The following MAF variants were observed in gnomAD, a reference collection of about 807,000 sequenced individuals.
The protein encoded by MAF is MAF bZIP transcription factor, also known as transcription factor Maf.
In MAF, 10 loss-of-function variants were observed where a neutral mutation model predicts 22.0. That is an observed-to-expected ratio of 0.45 (90% CI 0.28 to 0.77). The LOEUF (loss-of-function observed/expected upper bound fraction) is 0.77, where lower values mean the gene tolerates loss of function less well. Among genes scored for constraint, MAF ranks in the 30% least tolerant of loss-of-function variants. MAF has a pLI of 0.12. For missense variants in MAF, 544 were observed against 548.4 expected (o/e 0.99, Z 0.08); for synonymous variants, 337 against 255.8 (o/e 1.32, Z -3.03).
the MAF span, among the ~76,000 whole-genome samples, chr16:79,502,754 T>TAA: frequency 8.0e-6 from 1 of 125,692 alleles, no homozygotes; most frequent in Non-Finnish European, 1.6e-5. Context: ...TATATATATA[T>TAA]AAAGACTCAT....
the MAF span, among the ~76,000 whole-genome samples, chr16:79,409,672 G>A: frequency 2.0e-5 from 3 of 152,290 alleles, no homozygotes; most frequent in African/African-American, 2.4e-5. Context: ...AAACAGCAAC[G>A]CTCAATTGCC....
At chr16:79,590,326 C>G (rs1036323002), downstream of MAF, among the ~76,000 whole-genome samples, 2 of 152,128 alleles carry the variant, frequency 1.3e-5, no homozygotes, top group African/African-American at 4.8e-5. Context: ...ACCATTGCAC[C>G]AAAAGCTCTG....
chr16:79,572,925 A>G, the MAF span, among the ~76,000 whole-genome samples: 6 of 152,224 alleles, frequency 3.9e-5, no homozygotes, highest in African/African-American at 1.4e-4. Context: ...TAGCTGCTTA[A>G]GAGGTTACCC....
At chr16:79,231,425 T>C in the MAF span, among the ~76,000 whole-genome samples, 1 of 152,072 alleles carries the variant, frequency 6.6e-6, no homozygotes, top group African/African-American at 2.4e-5. Context: ...TCACGAAAGC[T>C]GACAGAAGCG....
chr16:79,553,002 G>C, the MAF span, among the ~76,000 whole-genome samples: 1 of 152,298 alleles, frequency 6.6e-6, no homozygotes, highest in South Asian at 2.1e-4. Context: ...ATGGAACTTT[G>C]GGATATAGGC....
At chr16:79,244,356 A>G in the MAF span, among the ~76,000 whole-genome samples, 1 of 152,132 alleles carries the variant, frequency 6.6e-6, no homozygotes, top group Admixed American at 6.6e-5. Flanking sequence ...CAGATAAGCA[A>G]CTTCAGCAAA....
At chr16:79,263,203 G>C in the MAF span, among the ~76,000 whole-genome samples, 1 of 152,168 alleles carries the variant, frequency 6.6e-6, no homozygotes, top group Non-Finnish European at 1.5e-5. Flanking sequence ...CCGGGAAATG[G>C]ATAACTAAAC....
the MAF span, among the ~76,000 whole-genome samples, chr16:79,405,213 G>T: frequency 6.6e-6 from 1 of 152,188 alleles, no homozygotes; most frequent in East Asian, 1.9e-4. Flanking sequence ...CCAAAGGATG[G>T]AGGGGCCATT....
At chr16:79,489,373 C>G in the MAF span, among the ~76,000 whole-genome samples, 4 of 152,200 alleles carry the variant, frequency 2.6e-5, no homozygotes, top group African/African-American at 7.2e-5. Context: ...ATCCATCCAT[C>G]CTTTGTGTAC....
At chr16:79,374,417 C>T in the MAF span, among the ~76,000 whole-genome samples, 1 of 152,238 alleles carries the variant, frequency 6.6e-6, no homozygotes, top group Non-Finnish European at 1.5e-5. Flanking sequence ...AGCTTCATCT[C>T]TGCTTTTGTT....
At chr16:79,451,904 A>T in the MAF span, among the ~76,000 whole-genome samples, 1 of 152,210 alleles carries the variant, frequency 6.6e-6, no homozygotes, top group East Asian at 1.9e-4. Context: ...GAGCAAATTT[A>T]TATTTACTGA....
chr16:79,355,529 G>A, the MAF span, among the ~76,000 whole-genome samples: 1 of 152,204 alleles, frequency 6.6e-6, no homozygotes, highest in Non-Finnish European at 1.5e-5. Context: ...GGAGGACCAT[G>A]AATGTATTGC....
chr16:79,321,645 C>CT, the MAF span, among the ~76,000 whole-genome samples: 563 of 86,938 alleles, frequency 6.5e-3, 4 homozygotes, highest in African/African-American at 0.021. Flanking sequence ...TTTTCTTTTT[C>CT]TTTTTTTTTT....
intron 1 of MAF, chr16:79,595,844 C>T (rs1913487273): frequency 9.5e-7 from 1 of 1,058,146 alleles, no homozygotes; most frequent in South Asian, 4.6e-5. Context: ...ATAGTTTAAA[C>T]CAGATATGTA....
chr16:79,433,277 A>AAT, the MAF span, among the ~76,000 whole-genome samples: 681 of 118,912 alleles, frequency 5.7e-3, 8 homozygotes, highest in East Asian at 0.042. Flanking sequence ...TAAAAAAAAA[A>AAT]ATATATATAT....
At chr16:79,528,473 A>T in the MAF span, among the ~76,000 whole-genome samples, 2 of 152,172 alleles carry the variant, frequency 1.3e-5, no homozygotes, top group Non-Finnish European at 2.9e-5. Context: ...GAATCATCCA[A>T]GCCAAGAAAA....
chr16:79,499,798 C>G, the MAF span, among the ~76,000 whole-genome samples: 1 of 152,292 alleles, frequency 6.6e-6, no homozygotes, highest in East Asian at 1.9e-4. Flanking sequence ...TCAGTAGCCT[C>G]AAAAGACAAA....
At chr16:79,211,628 C>G in the MAF span, 4 of 1,614,106 alleles carry the variant, frequency 2.5e-6, no homozygotes, top group African/African-American at 2.7e-5. Flanking sequence ...CTGCCACCAC[C>G]GTGTACTGTG....
At chr16:79,210,538 T>G in the MAF span, among the ~76,000 whole-genome samples, 1 of 152,192 alleles carries the variant, frequency 6.6e-6, no homozygotes, top group Non-Finnish European at 1.5e-5. Context: ...TTATCTTCAG[T>G]TACCTTTTCC....
Sources: gnomAD v4.1 joint callset for allele counts (sites outside exome capture counted in the v4.1 genomes callset) on GRCh38, gnomAD v4.1.1 for gene constraint, MANE v1.5 for transcripts, NCBI Gene and HGNC (gene_info 2026-07-23, HGNC 2026-07-21) for gene names.